Variants in GTF2IRD1 observed in about 807,000 individuals in gnomAD.
The protein encoded by GTF2IRD1 is GTF2I repeat domain containing 1.
A neutral mutation model predicts 113.2 loss-of-function variants in GTF2IRD1; 26 were observed. The ratio of observed to expected loss-of-function variants is 0.23; its 90% confidence interval spans 0.17 to 0.32. The LOEUF (loss-of-function observed/expected upper bound fraction) is 0.32, where lower values mean the gene tolerates loss of function less well. GTF2IRD1 is among the 10% of genes least tolerant of loss of function. GTF2IRD1 has a pLI of 1.00. For synonymous variants in GTF2IRD1, 484 were observed against 529.1 expected (o/e 0.91, Z 1.17); for missense variants, 864 against 1,280.8 (o/e 0.67, Z 4.97).
chr7:74,602,591 G>T lies in GTF2IRD1; in HGVS notation c.*158G>T. 20 of 371,714 alleles carry T rather than the reference G, an allele frequency of 5.4e-5. No homozygotes were observed. The highest frequency in any genetic ancestry group is 6.7e-5 in the Non-Finnish European group (14 of 207,422). 23.0% of individuals were successfully genotyped at this position (371,714 alleles called of 1,614,324 possible). ...AGGCCTTTTTAAATAAGTAAAAAAA[G>T]AAAAAAAAAAAAAAGAGTGTTGCCT... On this transcript the variant is annotated 3_prime_UTR_variant, in exon 27 of 27. Transcript: ENST00000424337.
At chr7:74,561,073 G>T (rs1160823645) in intron 22 of GTF2IRD1, among the ~76,000 whole-genome samples, 1 of 152,090 alleles carries the variant, frequency 6.6e-6, no homozygotes. Flanking sequence ...GGCGGGCCAG[G>T]CACGGTGGCT....
chr7:74,596,473 A>G (rs1384957793), intron 25 of GTF2IRD1, among the ~76,000 whole-genome samples: 2 of 150,822 alleles, frequency 1.3e-5, no homozygotes, highest in East Asian at 3.9e-4. Flanking sequence ...AAAAAAAAAA[A>G]AAAGAAAAAG....
intron 14 of GTF2IRD1, among the ~76,000 whole-genome samples, chr7:74,542,717 C>G (rs11520649): frequency 6.6e-6 from 1 of 152,244 alleles, no homozygotes. Context: ...CAAGCTCAGG[C>G]TGAGATGACA....
At position 74,518,120 on chromosome 7, in the gene GTF2IRD1, C is replaced by T. The variant is rs781946141; in HGVS notation, c.422-19C>T. 1.3e-6 allele frequency: 2 copies of T among 1,507,740 alleles called. No homozygotes were observed. Among genetic ancestry groups the T allele is most frequent in the Non-Finnish European group, 1.8e-6 (2 of 1,122,750 alleles). 93.4% of individuals were successfully genotyped at this position (1,507,740 alleles called of 1,614,324 possible). Reference sequence around the variant, plus strand: ...CTGCCCTCTCATACCAGGCCCCTCTCCTGGACTCTCCCCTACAGGCGAGGC... The same window carrying T: ...CTGCCCTCTCATACCAGGCCCCTCTTCTGGACTCTCCCCTACAGGCGAGGC... On this transcript the variant is annotated intron_variant, in intron 4 of 26. Coordinates refer to ENST00000424337, the MANE Select transcript of GTF2IRD1 (RefSeq NM_005685.4).
chr7:74,487,354 T>C (rs1554335754), intron 1 of GTF2IRD1: 1 of 152,220 alleles, frequency 6.6e-6, no homozygotes, highest in East Asian at 1.9e-4. Flanking sequence ...CTTCTCTCTT[T>C]GTCTCTATTC....
chr7:74,589,660 T>C (rs1801935121), intron 22 of GTF2IRD1, among the ~76,000 whole-genome samples, 191 bp from the exon 23 acceptor site: 1 of 150,694 alleles, frequency 6.6e-6, no homozygotes, highest in African/African-American at 2.4e-5. Flanking sequence ...ATCACGCCAC[T>C]GCACTCCAGC....
Position 74,590,814 on chromosome 7 carries a change from G to A in GTF2IRD1, c.2399-11G>A. The A allele has an allele frequency of 6.4e-6, 10 of 1,566,012 alleles. No individual in the cohort carries two copies. Among genetic ancestry groups the A allele is most frequent in the South Asian group, 1.2e-5 (1 of 86,552 alleles). On this transcript the variant is annotated splice_polypyrimidine_tract_variant and intron_variant, in intron 23 of 26. Coordinates refer to ENST00000424337, the MANE Select transcript of GTF2IRD1 (RefSeq NM_005685.4). ...ACATCTTTCCTCACTGTGACTTCCT[G>A]TGCCCTCTAGGTGAGGCCCTGGGCC...
chr7:74,569,947 A>G (rs1583915179), intron 22 of GTF2IRD1, among the ~76,000 whole-genome samples: 2 of 152,172 alleles, frequency 1.3e-5, no homozygotes, highest in Non-Finnish European at 2.9e-5. Flanking sequence ...TGGCAGAGAG[A>G]GACCTGCCCG....
At position 74,529,582 on chromosome 7, in the gene GTF2IRD1, T is replaced by C; in HGVS notation, c.1091-152T>C. The stretch of plus-strand genomic sequence containing the variant: ...AGCCAATTTCCTAACAGAAAAGTGA[T>C]ATGATTTTGACATTTCTGCAGGATC... On this transcript the variant is annotated intron_variant, in intron 8 of 26. Transcript: ENST00000424337. 4 of 612,796 alleles carry C rather than the reference T, an allele frequency of 6.5e-6. 1 individual carries two copies. The highest frequency in any genetic ancestry group is 6.1e-5 in the South Asian group (3 of 49,252). The allele number at this position is 612,796 out of a possible 1,614,324, so 38.0% of individuals were successfully genotyped here. A position where few individuals can be genotyped will look rare whatever the true frequency, so the allele number is the denominator to read the frequency against.
At chr7:74,590,408 A>G (rs1554369128) in intron 23 of GTF2IRD1, among the ~76,000 whole-genome samples, 1 of 129,124 alleles carries the variant, frequency 7.7e-6, no homozygotes, top group Non-Finnish European at 1.6e-5. Context: ...TTTTTTTTGG[A>G]GACAGAGTCT....
At chr7:74,479,932 A>G (rs1453773528) in intron 1 of GTF2IRD1, among the ~76,000 whole-genome samples, 2 of 151,758 alleles carry the variant, frequency 1.3e-5, no homozygotes, top group African/African-American at 4.8e-5. Context: ...TTTTTAGTAG[A>G]GACGGGGTTT....
intron 1 of GTF2IRD1, among the ~76,000 whole-genome samples, chr7:74,495,294 T>C (rs1462104559): frequency 1.3e-5 from 2 of 152,154 alleles, no homozygotes; most frequent in Non-Finnish European, 2.9e-5. Context: ...TCTCAGAGCA[T>C]TTCCCGCTGG....
At chr7:74,524,858 T>C (rs1306133868) in intron 8 of GTF2IRD1, among the ~76,000 whole-genome samples, 2 of 152,156 alleles carry the variant, frequency 1.3e-5, no homozygotes, top group African/African-American at 4.8e-5. Context: ...AGTGAGACTC[T>C]GTCTCAAAAA....
chr7:74,521,155 G>T, intron 6 of GTF2IRD1, 53 bp from the exon 7 acceptor site: 1 of 1,040,570 alleles, frequency 9.6e-7, no homozygotes, highest in South Asian at 1.3e-5. Context: ...GCCAGATCTG[G>T]GGAACCCTCT....
At position 74,517,601 on chromosome 7, in the gene GTF2IRD1, G is replaced by A. The variant is rs782359073; in HGVS notation, c.422-538G>A. On this transcript the variant is annotated intron_variant, in intron 4 of 26. Coordinates refer to ENST00000424337, the MANE Select transcript of GTF2IRD1 (RefSeq NM_005685.4). ...CACCCAGCTAATTTTTGTATTTTTA[G>A]TAGAGACGGGGTTTCATCATGTTGG... 5.3e-5 allele frequency among the ~76,000 whole-genome samples: 8 copies of A among 151,284 alleles called. No homozygotes were observed. The East Asian group carries it at 1.4e-3, about 26-fold the overall frequency.
At chr7:74,545,705 C>T (rs1554353062) in intron 15 of GTF2IRD1, 39 bp from the exon 16 acceptor site, 16 of 1,542,820 alleles carry the variant, frequency 1.0e-5, no homozygotes, top group Non-Finnish European at 1.4e-5. Context: ...CGAGAAGCTG[C>T]CACCAACCAG....
At chr7:74,557,362 C>T (rs1554357332) in intron 19 of GTF2IRD1, among the ~76,000 whole-genome samples, 1 of 152,208 alleles carries the variant, frequency 6.6e-6, no homozygotes, top group African/African-American at 2.4e-5. Context: ...TATGGTGTCC[C>T]TCCCCTCCGG....
rs376990554 is a variant in GTF2IRD1, at chr7:74,541,262, G to A, written c.1618+1294G>A. 6.6e-5 allele frequency among the ~76,000 whole-genome samples: 10 copies of A among 151,728 alleles called. 1 individual carries two copies. In the Middle Eastern group the frequency reaches 0.01, roughly 155 times the overall value. On this transcript the variant is annotated intron_variant, in intron 14 of 26. Coordinates refer to ENST00000424337, the MANE Select transcript of GTF2IRD1 (RefSeq NM_005685.4). ...TTCCAGCACTTTGGGAGGCCAAGGC[G>A]AGGGTACTGCTTGAGGCCAGGAGTT...
At chr7:74,563,728 A>T (rs1554359788) in intron 22 of GTF2IRD1, among the ~76,000 whole-genome samples, 1 of 152,118 alleles carries the variant, frequency 6.6e-6, no homozygotes, top group Admixed American at 6.6e-5. Flanking sequence ...TCTACAAAAA[A>T]ATTAAAAATT....
Sources: gnomAD v4.1 joint callset for allele counts (sites outside exome capture counted in the v4.1 genomes callset) on GRCh38, gnomAD v4.1.1 for gene constraint, MANE v1.5 for transcripts, NCBI Gene and HGNC (gene_info 2026-07-23, HGNC 2026-07-21) for gene names.